The following MIA2 variants were observed in gnomAD, a reference collection of about 807,000 sequenced individuals.
MIA2 encodes the protein melanoma inhibitory activity protein 2.
In MIA2, 127 loss-of-function variants were observed where a neutral mutation model predicts 167.8. That is an observed-to-expected ratio of 0.76 (90% CI 0.66 to 0.88). The LOEUF is 0.88. Among genes scored for constraint, MIA2 ranks in the 40% least tolerant of loss-of-function variants. The probability of loss-of-function intolerance (pLI) is 0.00; values close to 1 mark genes in which losing one functional copy is unlikely to be tolerated. For missense variants in MIA2, 1,690 were observed against 1,624.7 expected (o/e 1.04, Z -0.69); for synonymous variants, 552 against 541.9 (o/e 1.02, Z -0.26).
At chr14:39,241,158 C>T (rs902486799) in intron 3 of MIA2, among the ~76,000 whole-genome samples, 1 of 152,216 alleles carries the variant, frequency 6.6e-6, no homozygotes, top group Non-Finnish European at 1.5e-5. Flanking sequence ...AGTCTCATAT[C>T]TGTACATCCT....
intron 6 of MIA2, among the ~76,000 whole-genome samples, chr14:39,268,274 T>A (rs1244225384): frequency 6.6e-6 from 1 of 152,192 alleles, no homozygotes; most frequent in Non-Finnish European, 1.5e-5. Flanking sequence ...GTTACGATTA[T>A]GTTTTCTTGT....
chr14:39,363,109 T>C (rs761110873), intron 23 of MIA2, among the ~76,000 whole-genome samples: 5 of 152,230 alleles, frequency 3.3e-5, no homozygotes, highest in Non-Finnish European at 7.3e-5. Flanking sequence ...TTTAAATTTG[T>C]GGCCTAACAT....
At chr14:39,384,003 T>C (rs1352436321) in intron 23 of MIA2, among the ~76,000 whole-genome samples, 1 of 152,182 alleles carries the variant, frequency 6.6e-6, no homozygotes, top group African/African-American at 2.4e-5. Context: ...CTAGCTAAGC[T>C]CATTGATGAA....
chr14:39,353,969 G>A (rs536089357), downstream of MIA2, among the ~76,000 whole-genome samples: 29 of 152,274 alleles, frequency 1.9e-4, no homozygotes, highest in Admixed American at 6.5e-4. Context: ...TATCATTGTC[G>A]GACATTTGGG....
In MIA2 at chr14:39,240,614, G is replaced by A. The variant is rs200302430; in HGVS notation, c.303G>A (p.Val101=). The A allele has an allele frequency of 6.2e-7, 1 of 1,613,026 alleles. No individual in the cohort carries two copies. The highest frequency in any genetic ancestry group is 8.5e-7 in the Non-Finnish European group (1 of 1,179,258). ...GAGATGCAGTCCAGATTGAAGAGGT[G>A]TTCATATCTGAGGAAATTCAGATGT... ...FPRDAVQIEE[V]FISEEIQMST... The change falls in exon 3 of 29, where the codon GTG becomes GTA. Residue 101 remains valine (V), a synonymous_variant. Transcript: ENST00000640607.
At chr14:39,386,797 T>G (rs551411330) in intron 23 of MIA2, 3 of 1,074,798 alleles carry the variant, frequency 2.8e-6, no homozygotes, top group East Asian at 2.4e-5. Context: ...AGTGATAGAT[T>G]AGTGTCACCA....
chr14:39,239,770 C>A (rs969242308), intron 2 of MIA2, among the ~76,000 whole-genome samples: 1 of 152,088 alleles, frequency 6.6e-6, no homozygotes, highest in Non-Finnish European at 1.5e-5. Context: ...TAGTTTTGTG[C>A]ATTTGATGTT....
chr14:39,303,655 TTCA>T (rs2062866082), intron 16 of MIA2, 131 bp downstream of exon 16: 12 of 584,000 alleles, frequency 2.1e-5, no homozygotes, highest in East Asian at 1.0e-4. Context: ...TATCAGAATT[TTCA>T]TCATCAATTG....
intron 19 of MIA2, among the ~76,000 whole-genome samples, chr14:39,314,386 T>TA (rs11413108): frequency 0.86 from 123,614 of 143,938 alleles, 53,469 homozygotes; most frequent in East Asian, 0.95. Context: ...ACACTCTGTT[T>TA]AAAAAAAAAA....
Position 39,350,163 on chromosome 14 carries a change from C to G in MIA2, c.4138C>G (p.Pro1380Ala). 7.1e-7 allele frequency: 1 copy of G among 1,417,742 alleles called. No homozygotes were observed. The highest frequency in any genetic ancestry group is 9.7e-7 in the Non-Finnish European group (1 of 1,034,908). 87.8% of individuals were successfully genotyped at this position (1,417,742 alleles called of 1,614,324 possible). The change falls in exon 29 of 29, where the codon CCA (proline) becomes GCA (alanine). Residue 1380 changes from proline to alanine, a missense_variant. By Grantham distance (27) the Pro-to-Ala change is conservative. Coordinates refer to ENST00000640607, the MANE Select transcript of MIA2 (RefSeq NM_001329214.4). ...TCCCCCAAGACCTGGATTTTTCCCC[C>G]CACCCCCACATTCTGAAGGTAGAAG... ...YLPPRPGFFP[P>A]PPHSEGRSEF...
chr14:39,351,875 G>C (rs1033864274), downstream of MIA2, among the ~76,000 whole-genome samples: 1 of 152,122 alleles, frequency 6.6e-6, no homozygotes, highest in African/African-American at 2.4e-5. Flanking sequence ...CCAGAGTGCT[G>C]GGATTACAGG....
intron 9 of MIA2, among the ~76,000 whole-genome samples, chr14:39,285,571 C>A (rs1412652634): frequency 9.7e-6 from 1 of 102,624 alleles, no homozygotes; most frequent in South Asian, 3.1e-4. Context: ...CGGGGGCTGA[C>A]CCCCCGACCT....
At chr14:39,372,949 A>G (rs2074976645) in intron 23 of MIA2, among the ~76,000 whole-genome samples, 1 of 152,210 alleles carries the variant, frequency 6.6e-6, no homozygotes, top group South Asian at 2.1e-4. Context: ...TTCAAAATAG[A>G]TAGAAGAGAG....
chr14:39,363,550 TC>T (rs1330281286), intron 23 of MIA2, among the ~76,000 whole-genome samples: 1 of 152,112 alleles, frequency 6.6e-6, no homozygotes, highest in African/African-American at 2.4e-5. Flanking sequence ...ATCTGATGTT[TC>T]TTTGTTAATT....
chr14:39,277,167 C>T, intron 7 of MIA2, 102 bp downstream of exon 7: 2 of 1,408,312 alleles, frequency 1.4e-6, no homozygotes, highest in South Asian at 1.5e-5. Flanking sequence ...AAGTTAGAAA[C>T]TACATAGGGA....
At chr14:39,339,844 T>G (rs553289780) in intron 25 of MIA2, among the ~76,000 whole-genome samples, 8 of 152,270 alleles carry the variant, frequency 5.3e-5, no homozygotes, top group African/African-American at 1.7e-4. Context: ...TTAATTTTCT[T>G]TATTATTTTG....
intron 13 of MIA2, 46 bp from the exon 14 acceptor site, chr14:39,299,818 G>C: frequency 6.4e-7 from 1 of 1,564,958 alleles, no homozygotes; most frequent in Non-Finnish European, 8.6e-7. Flanking sequence ...ATCTTTTAAT[G>C]ATTCACTTGT....
intron 23 of MIA2, among the ~76,000 whole-genome samples, chr14:39,319,951 T>A (rs1360719398): frequency 1.4e-5 from 2 of 140,516 alleles, no homozygotes; most frequent in Non-Finnish European, 3.0e-5. Flanking sequence ...ATAGGTAGAA[T>A]TCCATTTTAA....
intron 6 of MIA2, chr14:39,265,468 T>A (rs1026624149): frequency 6.0e-6 from 9 of 1,494,110 alleles, no homozygotes; most frequent in Non-Finnish European, 8.3e-6. Flanking sequence ...AGGTTTGGAA[T>A]TTTGCACTAA....
Sources: allele counts gnomAD v4.1 joint callset (sites outside exome capture counted in the v4.1 genomes callset), GRCh38; gene constraint gnomAD v4.1.1; transcripts MANE v1.5; gene names NCBI Gene and HGNC (gene_info 2026-07-23, HGNC 2026-07-21).